Variants in UNC13C observed in about 807,000 individuals in gnomAD.
The protein encoded by UNC13C is unc-13 homolog C, also known as protein unc-13 homolog C.
Under a neutral mutation model 245.4 loss-of-function variants are expected in UNC13C, and 174 were observed. The observed-to-expected ratio is 0.71, with a 90% CI of 0.63 to 0.80. The LOEUF (loss-of-function observed/expected upper bound fraction) is 0.80. UNC13C is among the 30% of genes least tolerant of loss of function. The probability of loss-of-function intolerance (pLI) is 0.00; values close to 1 mark genes in which losing one functional copy is unlikely to be tolerated. For missense variants in UNC13C, 2,829 were observed against 2,602.9 expected (o/e 1.09, Z -1.89); for synonymous variants, 992 against 895.1 (o/e 1.11, Z -1.93).
chr15:53,844,591 G>A, the UNC13C span, among the ~76,000 whole-genome samples: 4 of 152,120 alleles, frequency 2.6e-5, no homozygotes, highest in Admixed American at 1.3e-4. Context: ...CATTCTTGAC[G>A]ATGACATTTC....
intron 30 of UNC13C, among the ~76,000 whole-genome samples, chr15:54,614,196 G>A (rs982931652): frequency 6.6e-6 from 1 of 151,818 alleles, no homozygotes; most frequent in Admixed American, 6.6e-5. Context: ...TCTTTCTAGT[G>A]TTAATATTTT....
At chr15:54,090,643 C>T (rs2141135527) in intron 2 of UNC13C, among the ~76,000 whole-genome samples, 1 of 152,272 alleles carries the variant, frequency 6.6e-6, no homozygotes, top group Non-Finnish European at 1.5e-5. Flanking sequence ...CACTCCCAAA[C>T]ATTGTAATAT....
At chr15:54,406,567 T>G (rs77308418) in intron 18 of UNC13C, among the ~76,000 whole-genome samples, 5,054 of 152,224 alleles carry the variant, frequency 0.033, 238 homozygotes, top group African/African-American at 0.1. Flanking sequence ...GACAAAATTG[T>G]TTAAAGAGAA....
chr15:53,988,151 T>A, intron 1 of UNC13C, among the ~76,000 whole-genome samples: 1 of 152,022 alleles, frequency 6.6e-6, no homozygotes, highest in East Asian at 1.9e-4. Flanking sequence ...TCTTATGCTA[T>A]TGTTCTCTTC....
At chr15:54,561,390 A>T (rs1255317291) in intron 29 of UNC13C, among the ~76,000 whole-genome samples, 3 of 152,068 alleles carry the variant, frequency 2.0e-5, no homozygotes, top group East Asian at 1.9e-4. Context: ...AGAGGATGTG[A>T]TCAACCAGTA....
At chr15:53,871,390 CATCTTGA>C in the UNC13C span, among the ~76,000 whole-genome samples, 1 of 152,174 alleles carries the variant, frequency 6.6e-6, no homozygotes, top group Non-Finnish European at 1.5e-5. Flanking sequence ...GTTCAGCTTA[CATCTTGA>C]TTCTGGGAAG....
chr15:54,363,881 G>C (rs1307685892), intron 17 of UNC13C, among the ~76,000 whole-genome samples: 1 of 152,154 alleles, frequency 6.6e-6, no homozygotes, highest in Non-Finnish European at 1.5e-5. Context: ...TAAAGGTCCT[G>C]AGCAATTATA....
At chr15:54,290,548 AT>A (rs1410105143) in intron 10 of UNC13C, among the ~76,000 whole-genome samples, 1 of 152,068 alleles carries the variant, frequency 6.6e-6, no homozygotes, top group Non-Finnish European at 1.5e-5. Context: ...TTGAACAGAA[AT>A]TTGGAAAGAA....
At chr15:54,397,369 T>C (rs2040092163) in intron 18 of UNC13C, among the ~76,000 whole-genome samples, 2 of 151,586 alleles carry the variant, frequency 1.3e-5, no homozygotes, top group African/African-American at 4.8e-5. Context: ...TTCTTTGTAA[T>C]CTGTTCCACT....
intron 2 of UNC13C, among the ~76,000 whole-genome samples, chr15:54,115,726 A>C (rs2030193781): frequency 6.6e-6 from 1 of 152,194 alleles, no homozygotes; most frequent in Non-Finnish European, 1.5e-5. Flanking sequence ...GGAAATTCAA[A>C]GAATTCATTT....
In UNC13C at chr15:54,288,264, G is replaced by A. The variant is rs557288841; in HGVS notation, c.3819-5631G>A. On this transcript the variant is annotated intron_variant, in intron 10 of 32. Transcript: ENST00000260323. ...ACCTGCTACTTTCTAGATGAATTTC[G>A]TTTATCAGTTTCCCTCTACTAGTTT... Among the ~76,000 whole-genome samples the A allele has an allele frequency of 3.3e-5, 5 of 152,142 alleles. No homozygotes were observed. In the South Asian group the frequency reaches 8.3e-4, roughly 25 times the overall value.
At position 53,983,363 on chromosome 15, in the gene UNC13C, G is replaced by A. The variant is rs74016048; in HGVS notation, c.-257+4436G>A. 1.7e-3 allele frequency among the ~76,000 whole-genome samples: 250 copies of A among 149,626 alleles called. 1 individual carries two copies. Among genetic ancestry groups the A allele is most frequent in the African/African-American group, 5.8e-3 (240 of 41,120 alleles). ...AAAGAGGGCTGCAGGGAGCTCTCGTGGCTGAAGGGGAAATTTAACTATGAA... is the reference window on the plus strand; with the variant it reads ...AAAGAGGGCTGCAGGGAGCTCTCGTAGCTGAAGGGGAAATTTAACTATGAA... On this transcript the variant is annotated intron_variant, in intron 1 of 32. Coordinates refer to ENST00000260323, the MANE Select transcript of UNC13C (RefSeq NM_001080534.3).
In UNC13C at chr15:54,393,036, A is replaced by C. The variant is rs577304581; in HGVS notation, c.4714-12A>C. Reference sequence around the variant, plus strand: ...ACCTTTTCTTTTGCATGTTGCGTGAACTTGTGAGCAGAGTAAGAAACAGGA... The same window carrying C: ...ACCTTTTCTTTTGCATGTTGCGTGACCTTGTGAGCAGAGTAAGAAACAGGA... On this transcript the variant is annotated splice_polypyrimidine_tract_variant and intron_variant, in intron 17 of 32. Coordinates refer to ENST00000260323, the MANE Select transcript of UNC13C (RefSeq NM_001080534.3). 5 of 1,573,746 alleles carry C rather than the reference A, an allele frequency of 3.2e-6. No homozygotes were observed. In the African/African-American group the frequency reaches 5.5e-5, roughly 17 times the overall value.
At chr15:54,450,126 T>G (rs1439757039) in intron 19 of UNC13C, among the ~76,000 whole-genome samples, 1 of 152,184 alleles carries the variant, frequency 6.6e-6, no homozygotes, top group African/African-American at 2.4e-5. Context: ...ATCGTTCCTC[T>G]GGAAGTTTCG....
chr15:54,306,100 A>AGCATTAGGTT (rs1567174994), intron 13 of UNC13C, among the ~76,000 whole-genome samples: 1 of 151,974 alleles, frequency 6.6e-6, no homozygotes. Context: ...GTCTGAAACT[A>AGCATTAGGTT]TTTTGCTGGT....
rs369920710 is a variant in UNC13C, at chr15:54,160,014, G to C, written c.3071+16330G>C. On this transcript the variant is annotated intron_variant, in intron 4 of 32. Coordinates refer to ENST00000260323, the MANE Select transcript of UNC13C (RefSeq NM_001080534.3). ...GTCAGCAAAGGCATTCAAGCCATGA[G>C]TTTAAAAATTAAACCTTTGTTGTGT... is the stretch of plus-strand genomic sequence containing the variant. Among the ~76,000 whole-genome samples, 15 of 152,174 alleles carry C rather than the reference G, an allele frequency of 9.9e-5. No individual in the cohort carries two copies. The East Asian group carries it at 2.9e-3, about 29-fold the overall frequency.
intron 14 of UNC13C, among the ~76,000 whole-genome samples, chr15:54,328,715 G>A (rs1265724756): frequency 6.6e-6 from 1 of 152,008 alleles, no homozygotes. Context: ...ACTCCGAGGA[G>A]CAACTACCTC....
chr15:54,533,141 T>A (rs2141152384), intron 26 of UNC13C, 75 bp downstream of exon 26: 1 of 1,156,796 alleles, frequency 8.6e-7, no homozygotes, highest in East Asian at 2.6e-5. Context: ...AAAAACATTG[T>A]TTTCCTCTGT....
the UNC13C span, among the ~76,000 whole-genome samples, chr15:53,852,904 T>A: frequency 6.6e-6 from 1 of 152,188 alleles, no homozygotes; most frequent in East Asian, 1.9e-4. Context: ...AAATGTGTTA[T>A]TTATCTAAGA....
Sources: allele counts gnomAD v4.1 joint callset (sites outside exome capture counted in the v4.1 genomes callset), GRCh38; gene constraint gnomAD v4.1.1; transcripts MANE v1.5; gene names NCBI Gene and HGNC (gene_info 2026-07-23, HGNC 2026-07-21).